GCKR: variants seen among roughly 807,000 people sequenced by gnomAD.
GCKR encodes glucokinase regulator.
In GCKR, 73 loss-of-function variants were observed where a neutral mutation model predicts 82.9. The observed-to-expected ratio is 0.88, with a 90% CI of 0.73 to 1.07. GCKR has a LOEUF of 1.07. GCKR is among the 50% of genes least tolerant of loss of function. GCKR has a pLI of 0.00. For synonymous variants in GCKR, 294 were observed against 291.8 expected, an observed-to-expected ratio of 1.01 and a Z score of -0.08; for missense variants, 784 against 782.1, an observed-to-expected ratio of 1.00 and a Z score of -0.03.
chr2:27,503,304 TC>T (rs1669630817), intron 8 of GCKR, among the ~76,000 whole-genome samples: 1 of 152,224 alleles, frequency 6.6e-6, no homozygotes, highest in African/African-American at 2.4e-5. Flanking sequence ...TTGGCTTTGC[TC>T]TGGGCTTGAG....
rs996468905 is a variant in GCKR at position 27,522,525 on chromosome 2, G to A, written c.1638G>A (p.Gln546=). 3.1e-6 allele frequency: 5 copies of A among 1,613,992 alleles called. No individual in the cohort carries two copies. The highest frequency in any genetic ancestry group is 2.2e-5 in the South Asian group (2 of 91,066). ...ESLLRAIHFP[Q]PLSDDIRAAP... ...TCCTCCGAGCGATCCACTTTCCCCA[G>A]CCACTGTCAGATGATATTCGGGCTG... Residue 546 remains glutamine (Q), a synonymous_variant, in exon 18 of 19, where the codon CAG becomes CAA. Coordinates refer to ENST00000264717, the MANE Select transcript of GCKR (RefSeq NM_001486.4).
In GCKR at chr2:27,501,135, G is replaced by T. The variant is rs200192409; in HGVS notation, c.550G>T (p.Ala184Ser). The T allele has an allele frequency of 1.9e-5, 31 of 1,609,068 alleles. No individual in the cohort carries two copies. In the South Asian group the frequency reaches 3.1e-4, roughly 16 times the overall value. The change falls in exon 8 of 19, where the codon GCT becomes TCT. Residue 184 changes from alanine (A) to serine (S), a missense_variant and splice_region_variant. Transcript: ENST00000264717. ...IVIGISVGLS[A>S]PFVAGQMDCC... The stretch of plus-strand genomic sequence containing the variant: ...TGCCCTTCTCTCTCTTCACCATCAG[G>T]CTCCCTTTGTGGCAGGCCAGATGGA...
At chr2:27,512,256 A>T (rs1429351325) in intron 16 of GCKR, among the ~76,000 whole-genome samples, 1 of 145,658 alleles carries the variant, frequency 6.9e-6, no homozygotes, top group East Asian at 2.0e-4. Context: ...AAAAAAAAAA[A>T]GCCGGGCGTG....
Position 27,507,217 on chromosome 2 carries a change from T to C in GCKR, c.1067-18T>C. ...ATATAGCCAATCACTCCTCTCTCCT[T>C]GTTCTTAAACTTCCCAGATTTCCGA... On this transcript the variant is annotated intron_variant, in intron 12 of 18. Coordinates refer to ENST00000264717, the MANE Select transcript of GCKR (RefSeq NM_001486.4). The C allele has an allele frequency of 6.4e-7, 1 of 1,566,502 alleles. No individual in the cohort carries two copies. Among genetic ancestry groups the C allele is most frequent in the Non-Finnish European group, 8.8e-7 (1 of 1,136,594 alleles).
chr2:27,514,521 C>G (rs957848782), intron 16 of GCKR, among the ~76,000 whole-genome samples: 7 of 152,156 alleles, frequency 4.6e-5, no homozygotes, highest in Non-Finnish European at 8.8e-5. Flanking sequence ...CTACTATACT[C>G]TTTTGTGCTT....
Position 27,507,314 on chromosome 2 carries a change from C to A in GCKR, c.1143+3C>A, listed in dbSNP as rs756923474. ...AGAAGGCTGAGCTCACCAACCAGGTCGGAGAAGAACAGGACTTGGGGAAGC... is the reference window on the plus strand; with the variant it reads ...AGAAGGCTGAGCTCACCAACCAGGTAGGAGAAGAACAGGACTTGGGGAAGC... On this transcript the variant is annotated splice_donor_region_variant and intron_variant, in intron 13 of 18. Transcript: ENST00000264717. The A allele has an allele frequency of 1.9e-6, 3 of 1,592,988 alleles. No individual in the cohort carries two copies. The highest frequency in any genetic ancestry group is 2.2e-5 in the East Asian group (1 of 44,796).
rs142161325 is a variant in GCKR, at chr2:27,523,490, C to T, written c.*51C>T. 1.2e-5 allele frequency: 19 copies of T among 1,571,296 alleles called. No homozygotes were observed. Among genetic ancestry groups the T allele is most frequent in the Non-Finnish European group, 1.6e-5 (18 of 1,154,514 alleles). On this transcript the variant is annotated 3_prime_UTR_variant, in exon 19 of 19. Transcript: ENST00000264717. ...GGGCCCAACCCTGCCCACTTCAGCC[C>T]AGCCCGCCCAAGGGGACTTGTGCCA...
chr2:27,508,023 G>A lies in GCKR; in HGVS notation c.1287G>A (p.Lys429=). Residue 429 remains lysine, a synonymous_variant, in exon 15 of 19, where the codon AAG becomes AAA. Transcript: ENST00000264717. ...CTATAGTGGAGCAGGTGAAAGAGAA[G>A]ACCAACCACATCCAGGCCCTGGCAC... ...VQTIVEQVKE[K]TNHIQALAHS... is the part of the protein sequence containing the mutation. 6.2e-7 allele frequency: 1 copy of A among 1,614,018 alleles called. No individual in the cohort carries two copies.
At position 27,508,175 on chromosome 2, in the gene GCKR, TGAA is replaced by T. The variant is rs1403016146; in HGVS notation, c.1351_1353del (p.Lys451del). ...CTCTTTCTCTCTCTCCAGATCCCTC[TGAA>T]GAAGCTCTTTCCCTCCATCATCAGC... On this transcript the variant is annotated inframe_deletion, in exon 16 of 19. Coordinates refer to ENST00000264717, the MANE Select transcript of GCKR (RefSeq NM_001486.4). 4 of 1,611,150 alleles carry T rather than the reference TGAA, an allele frequency of 2.5e-6. No homozygotes were observed. In the African/African-American group the frequency reaches 4.0e-5, roughly 16 times the overall value.
At chr2:27,500,015 G>A (rs1669537722) in intron 7 of GCKR, among the ~76,000 whole-genome samples, 1 of 152,000 alleles carries the variant, frequency 6.6e-6, no homozygotes, top group African/African-American at 2.4e-5. Context: ...GCCTCGCTCA[G>A]CCTCTCAAAG....
intron 17 of GCKR, 22 bp from the exon 18 acceptor site, chr2:27,522,438 G>C (rs1432852952): frequency 6.2e-7 from 1 of 1,613,550 alleles, no homozygotes; most frequent in Non-Finnish European, 8.5e-7. Flanking sequence ...GCCTGACACT[G>C]ATCTTACCAC....
intron 2 of GCKR, 51 bp from the exon 3 acceptor site, chr2:27,497,511 C>G (rs370829124): frequency 5.1e-6 from 8 of 1,556,550 alleles, no homozygotes; most frequent in Middle Eastern, 1.7e-4. Context: ...CCCCCTCCCC[C>G]ATTCATCGTC....
intron 16 of GCKR, among the ~76,000 whole-genome samples, chr2:27,510,607 A>G (rs1669858169): frequency 6.6e-6 from 1 of 152,136 alleles, no homozygotes; most frequent in Admixed American, 6.5e-5. Flanking sequence ...GTTCCCTTAC[A>G]CCCTTATACA....
chr2:27,503,083 G>A (rs191138208), intron 8 of GCKR, among the ~76,000 whole-genome samples: 110 of 152,354 alleles, frequency 7.2e-4, no homozygotes, highest in Non-Finnish European at 1.3e-3. Flanking sequence ...TCACTCTTTG[G>A]AGGGATTTCC....
intron 16 of GCKR, among the ~76,000 whole-genome samples, chr2:27,517,361 G>A (rs1251647664): frequency 2.0e-5 from 3 of 152,266 alleles, no homozygotes; most frequent in Non-Finnish European, 2.9e-5. Flanking sequence ...CATGGCTGGG[G>A]AGGCCTCAGG....
At chr2:27,516,317 G>A (rs1448718552) in intron 16 of GCKR, among the ~76,000 whole-genome samples, 6 of 122,878 alleles carry the variant, frequency 4.9e-5, no homozygotes, top group African/African-American at 1.9e-4. Context: ...TTGAGATGGA[G>A]TCTCATTCTG....
In GCKR at chr2:27,523,638, G is replaced by A. The variant is rs193162013; in HGVS notation, c.*199G>A. 53 of 597,662 alleles carry A rather than the reference G, an allele frequency of 8.9e-5. No homozygotes were observed. Among genetic ancestry groups the A allele is most frequent in the Non-Finnish European group, 1.4e-4 (46 of 335,750 alleles). 37.0% of individuals were successfully genotyped at this position (597,662 alleles called of 1,614,324 possible). Reference sequence around the variant, plus strand: ...CGACCTAGTGGTTTCTACTCTCACCGACTTATTCTGATTTCAGAAATAAAA... The same window carrying A: ...CGACCTAGTGGTTTCTACTCTCACCAACTTATTCTGATTTCAGAAATAAAA... On this transcript the variant is annotated 3_prime_UTR_variant, in exon 19 of 19. Coordinates refer to ENST00000264717, the MANE Select transcript of GCKR (RefSeq NM_001486.4).
At position 27,499,539 on chromosome 2, in the gene GCKR, G is replaced by C; in HGVS notation, c.549+89G>C. 4.1e-6 allele frequency: 4 copies of C among 984,526 alleles called. No homozygotes were observed. In the East Asian group the frequency reaches 9.5e-5, roughly 23 times the overall value. 61.0% of individuals were successfully genotyped at this position (984,526 alleles called of 1,614,324 possible). A position where few individuals can be genotyped will look rare whatever the true frequency, so the allele number is the denominator to read the frequency against. On this transcript the variant is annotated intron_variant, in intron 7 of 18. Coordinates refer to ENST00000264717, the MANE Select transcript of GCKR (RefSeq NM_001486.4). ...GCATGGAAGATAGATCAATGAGATCGGTGCTAGAAGGCAGGAAGTTTGCTC... is the reference window on the plus strand; with the variant it reads ...GCATGGAAGATAGATCAATGAGATCCGTGCTAGAAGGCAGGAAGTTTGCTC...
At chr2:27,505,972 G>A in intron 10 of GCKR, 136 bp downstream of exon 10, 1 of 744,000 alleles carries the variant, frequency 1.3e-6, no homozygotes, top group South Asian at 1.4e-5. Context: ...CCCTGGGAAG[G>A]GAGCTGGGTA....
Sources: gnomAD v4.1 joint callset for allele counts (sites outside exome capture counted in the v4.1 genomes callset) on GRCh38, gnomAD v4.1.1 for gene constraint, MANE v1.5 for transcripts, NCBI Gene and HGNC (gene_info 2026-07-23, HGNC 2026-07-21) for gene names.